Variants in NELL1 observed in about 807,000 individuals in gnomAD.
NELL1 encodes the protein neural EGFL like 1.
A neutral mutation model predicts 107.4 loss-of-function variants in NELL1; 76 were observed. That is an observed-to-expected ratio of 0.71 (90% CI 0.59 to 0.86). The LOEUF (loss-of-function observed/expected upper bound fraction) is 0.86, where lower values mean the gene tolerates loss of function less well. NELL1 is among the 40% of genes least tolerant of loss of function. The probability of loss-of-function intolerance (pLI) is 0.00; values close to 1 mark genes in which losing one functional copy is unlikely to be tolerated. For synonymous variants in NELL1, 353 were observed against 341.2 expected (o/e 1.03, Z -0.38); for missense variants, 1,024 against 1,005.5 (o/e 1.02, Z -0.25).
At chr11:20,856,923 G>T (rs1305081799) in intron 4 of NELL1, among the ~76,000 whole-genome samples, 1 of 152,230 alleles carries the variant, frequency 6.6e-6, no homozygotes, top group Non-Finnish European at 1.5e-5. Context: ...GATGCTAAGT[G>T]TAAGGTACAT....
At chr11:21,540,416 C>G (rs776652451) in intron 16 of NELL1, among the ~76,000 whole-genome samples, 3 of 152,066 alleles carry the variant, frequency 2.0e-5, no homozygotes, top group African/African-American at 4.8e-5. Flanking sequence ...TTAGCTCCTA[C>G]ACATGAGTGA....
chr11:20,736,248 G>A (rs1050159258), intron 2 of NELL1, among the ~76,000 whole-genome samples: 21 of 152,242 alleles, frequency 1.4e-4, no homozygotes, highest in African/African-American at 4.6e-4. Flanking sequence ...CTTCTCACAT[G>A]CTCTCCAAAC....
At chr11:21,221,464 A>G (rs895497612) in intron 13 of NELL1, among the ~76,000 whole-genome samples, 3 of 152,248 alleles carry the variant, frequency 2.0e-5, no homozygotes, top group African/African-American at 7.2e-5. Flanking sequence ...GTAGTTAATT[A>G]TTTTCTAAAA....
At chr11:21,502,870 A>C (rs932071024) in intron 15 of NELL1, among the ~76,000 whole-genome samples, 2 of 152,060 alleles carry the variant, frequency 1.3e-5, no homozygotes, top group African/African-American at 2.4e-5. Context: ...TTATTTTTTA[A>C]AAAATTTTTA....
intron 12 of NELL1, among the ~76,000 whole-genome samples, chr11:21,099,192 AACACACACACACACACAC>A (rs59848133): frequency 1.7e-4 from 24 of 141,862 alleles, no homozygotes; most frequent in African/African-American, 5.8e-4. Context: ...GACACTGAAC[AACACACACACACACACAC>A]ACACACACAC....
intron 15 of NELL1, among the ~76,000 whole-genome samples, chr11:21,412,503 A>T (rs549315449): frequency 8.5e-5 from 13 of 152,252 alleles, no homozygotes; most frequent in African/African-American, 2.9e-4. Context: ...AAAATCACCC[A>T]GTTAATAAAT....
Position 20,885,495 on chromosome 11 carries a change from C to A in NELL1, c.558C>A (p.Ile186=), listed in dbSNP as rs761417085. 7 of 1,613,560 alleles carry A rather than the reference C, an allele frequency of 4.3e-6. No homozygotes were observed. The African/African-American group carries it at 9.3e-5, about 22-fold the overall frequency. Residue 186 remains isoleucine (I), a synonymous_variant, in exon 5 of 20, where the codon ATC becomes ATA. Coordinates refer to ENST00000357134, the MANE Select transcript of NELL1 (RefSeq NM_006157.5). ...CAGATACCAACCTTCCCCCAGGAAT[C>A]AATTTATGGCTTGGCCAGCGCAACC... is the stretch of plus-strand genomic sequence containing the variant. ...DPPDTNLPPG[I]NLWLGQRNQK...
At chr11:20,993,623 A>G (rs1414734872) in intron 12 of NELL1, among the ~76,000 whole-genome samples, 1 of 152,208 alleles carries the variant, frequency 6.6e-6, no homozygotes, top group Non-Finnish European at 1.5e-5. Context: ...AATGGATAGT[A>G]TTTGCATATA....
At chr11:21,173,017 G>C (rs890319210) in intron 13 of NELL1, among the ~76,000 whole-genome samples, 1 of 151,698 alleles carries the variant, frequency 6.6e-6, no homozygotes, top group African/African-American at 2.4e-5. Flanking sequence ...GAATAAAAGA[G>C]TTTGAGTTGC....
At chr11:21,320,844 A>G (rs947343764) in intron 14 of NELL1, among the ~76,000 whole-genome samples, 1 of 152,320 alleles carries the variant, frequency 6.6e-6, no homozygotes, top group Admixed American at 6.5e-5. Flanking sequence ...TAAATATTTT[A>G]TGTTAATAGT....
chr11:21,387,814 C>T (rs1851781754), intron 15 of NELL1, among the ~76,000 whole-genome samples: 1 of 151,830 alleles, frequency 6.6e-6, no homozygotes, highest in African/African-American at 2.4e-5. Context: ...TAGGTTAATA[C>T]ACTCTTCCTT....
chr11:21,147,294 G>A (rs547414043), intron 13 of NELL1, among the ~76,000 whole-genome samples: 21 of 152,152 alleles, frequency 1.4e-4, no homozygotes, highest in Non-Finnish European at 2.5e-4. Flanking sequence ...TGCTAGCTAA[G>A]GAACATTTTG....
intron 10 of NELL1, 148 bp downstream of exon 10, chr11:20,938,007 G>A (rs1168441373): frequency 5.7e-6 from 4 of 697,610 alleles, no homozygotes; most frequent in Non-Finnish European, 7.4e-6. Context: ...TTACATGATG[G>A]CGAGGATCCA....
Position 21,385,034 on chromosome 11 carries a change from C to T in NELL1, c.1645+14086C>T, listed in dbSNP as rs148195414. On this transcript the variant is annotated intron_variant, in intron 15 of 19. Coordinates refer to ENST00000357134, the MANE Select transcript of NELL1 (RefSeq NM_006157.5). ...TTCTTCCCTCAGATATTTTCACTGT[C>T]GCCTCCCTCCTATGAAAAACGTTTC... 1.8e-3 allele frequency among the ~76,000 whole-genome samples: 275 copies of T among 151,974 alleles called. 9 individuals carry two copies. In the South Asian group the frequency reaches 0.052, roughly 29 times the overall value.
chr11:20,691,428 G>A (rs961131218), intron 2 of NELL1, among the ~76,000 whole-genome samples: 183 of 151,812 alleles, frequency 1.2e-3, no homozygotes, highest in African/African-American at 4.3e-3. Flanking sequence ...GTTTGTCATA[G>A]ATAGCTCTTA....
intron 14 of NELL1, among the ~76,000 whole-genome samples, chr11:21,364,836 A>T (rs1050380619): frequency 1.2e-4 from 18 of 152,132 alleles, no homozygotes; most frequent in African/African-American, 4.1e-4. Context: ...GGTGAAGGGG[A>T]TGGTTCACAG....
intron 12 of NELL1, among the ~76,000 whole-genome samples, chr11:21,086,110 C>T (rs913608979): frequency 6.6e-6 from 1 of 152,190 alleles, no homozygotes; most frequent in African/African-American, 2.4e-5. Flanking sequence ...GTAAATTCCA[C>T]GTATGACAGG....
intron 10 of NELL1, among the ~76,000 whole-genome samples, chr11:20,946,800 G>A (rs1590449402): frequency 6.6e-6 from 1 of 152,086 alleles, no homozygotes; most frequent in East Asian, 1.9e-4. Context: ...AGTTTATGAG[G>A]CTTTATTCCT....
chr11:21,506,028 C>G (rs2133938177), intron 15 of NELL1, among the ~76,000 whole-genome samples: 1 of 152,248 alleles, frequency 6.6e-6, no homozygotes, highest in East Asian at 1.9e-4. Context: ...ATATGATACC[C>G]TAATGTGGTA....
Sources: gnomAD v4.1 joint callset for allele counts (sites outside exome capture counted in the v4.1 genomes callset) on GRCh38, gnomAD v4.1.1 for gene constraint, MANE v1.5 for transcripts, NCBI Gene and HGNC (gene_info 2026-07-23, HGNC 2026-07-21) for gene names.